Variants in OR1J2 observed in about 807,000 individuals in gnomAD.
OR1J2 encodes olfactory receptor family 1 subfamily J member 2.
For missense variants in OR1J2, 304 were observed against 246.1 expected (o/e 1.24, Z -1.57); for synonymous variants, 142 against 99.7 (o/e 1.42, Z -2.52).
downstream of OR1J2, among the ~76,000 whole-genome samples, chr9:122,514,212 T>C (rs1419487910): frequency 6.6e-6 from 1 of 152,212 alleles, no homozygotes; most frequent in Non-Finnish European, 1.5e-5. Context: ...TGCATGATGC[T>C]GAGGTTTGGG....
the OR1J2 span, among the ~76,000 whole-genome samples, chr9:122,465,770 C>A: frequency 6.6e-6 from 1 of 152,202 alleles, no homozygotes; most frequent in Non-Finnish European, 1.5e-5. Flanking sequence ...ACTTGTTCCT[C>A]GTTGGAGGAG....
the OR1J2 span, among the ~76,000 whole-genome samples, chr9:122,531,942 G>A: frequency 1.1e-4 from 16 of 152,140 alleles, no homozygotes; most frequent in African/African-American, 3.6e-4. Flanking sequence ...TTCCTGACTC[G>A]GGGCATGTTG....
the OR1J2 span, among the ~76,000 whole-genome samples, chr9:122,546,251 A>G: frequency 6.6e-6 from 1 of 152,158 alleles, no homozygotes; most frequent in Non-Finnish European, 1.5e-5. Flanking sequence ...ATTTGTGGCA[A>G]GTGTGCAGGC....
chr9:122,566,062 T>C, the OR1J2 span, among the ~76,000 whole-genome samples: 2 of 152,164 alleles, frequency 1.3e-5, no homozygotes, highest in South Asian at 2.1e-4. Context: ...TGACCTCTTA[T>C]TTATCACTGA....
At chr9:122,454,512 G>C in the OR1J2 span, among the ~76,000 whole-genome samples, 2 of 149,774 alleles carry the variant, frequency 1.3e-5, no homozygotes, top group South Asian at 2.1e-4. Flanking sequence ...AGTGAGACTC[G>C]ATCTAAAAAA....
the OR1J2 span, among the ~76,000 whole-genome samples, chr9:122,481,677 A>T: frequency 6.6e-4 from 100 of 152,326 alleles, no homozygotes; most frequent in African/African-American, 2.3e-3. Flanking sequence ...ATGAAATTTT[A>T]AAAATATACA....
downstream of OR1J2, among the ~76,000 whole-genome samples, chr9:122,512,251 C>G (rs537059764): frequency 2.8e-4 from 42 of 152,304 alleles, no homozygotes; most frequent in East Asian, 7.9e-3. Context: ...ACTCCAGATT[C>G]AGCACTGACT....
chr9:122,563,584 T>G, the OR1J2 span, among the ~76,000 whole-genome samples: 1 of 152,276 alleles, frequency 6.6e-6, no homozygotes. Flanking sequence ...CTGTTGATTG[T>G]TTCCTCTGCT....
the OR1J2 span, among the ~76,000 whole-genome samples, chr9:122,501,974 G>A: frequency 6.6e-6 from 1 of 152,208 alleles, no homozygotes; most frequent in South Asian, 2.1e-4. Flanking sequence ...CCCTGCAGGT[G>A]AGTGAGCTGG....
At chr9:122,543,240 C>T in the OR1J2 span, among the ~76,000 whole-genome samples, 1 of 152,156 alleles carries the variant, frequency 6.6e-6, no homozygotes, top group African/African-American at 2.4e-5. Flanking sequence ...TGTTCTGTCA[C>T]CCAGGCTGGA....
At chr9:122,512,794 C>A (rs144541396), downstream of OR1J2, among the ~76,000 whole-genome samples, 4 of 152,278 alleles carry the variant, frequency 2.6e-5, no homozygotes, top group Non-Finnish European at 4.4e-5. Flanking sequence ...CTTCTTGTTT[C>A]CATTAAGCCT....
the OR1J2 span, chr9:122,526,490 C>T: frequency 3.8e-6 from 6 of 1,578,568 alleles, no homozygotes; most frequent in Non-Finnish European, 4.3e-6. Flanking sequence ...CTGCAATGTC[C>T]TTCTCTTCAG....
chr9:122,529,542 T>C, the OR1J2 span, among the ~76,000 whole-genome samples: 1 of 152,222 alleles, frequency 6.6e-6, no homozygotes, highest in Non-Finnish European at 1.5e-5. Flanking sequence ...CAAAGCAGCC[T>C]AGCTTTTTAC....
downstream of OR1J2, among the ~76,000 whole-genome samples, chr9:122,513,528 T>TC (rs1683198382): frequency 7.1e-6 from 1 of 140,510 alleles, no homozygotes; most frequent in East Asian, 1.9e-4. Flanking sequence ...TCACAAGCAT[T>TC]TTTTTTTTTT....
the OR1J2 span, among the ~76,000 whole-genome samples, chr9:122,497,803 G>A: frequency 6.6e-6 from 1 of 152,084 alleles, no homozygotes; most frequent in African/African-American, 2.4e-5. Context: ...TAGGCATTTA[G>A]CGCTATAAAC....
chr9:122,563,181 G>GTTT, the OR1J2 span, among the ~76,000 whole-genome samples: 128 of 90,254 alleles, frequency 1.4e-3, no homozygotes, highest in African/African-American at 5.0e-3. Flanking sequence ...ACTAGCATTT[G>GTTT]TTATTTTTTT....
At chr9:122,512,634 C>T (rs1828653658), downstream of OR1J2, among the ~76,000 whole-genome samples, 1 of 152,164 alleles carries the variant, frequency 6.6e-6, no homozygotes, top group Non-Finnish European at 1.5e-5. Flanking sequence ...GTAAATTCCT[C>T]TCCCCAGTCT....
chr9:122,482,671 T>C, the OR1J2 span, among the ~76,000 whole-genome samples: 1 of 152,188 alleles, frequency 6.6e-6, no homozygotes, highest in Non-Finnish European at 1.5e-5. Flanking sequence ...TGGAATACTA[T>C]TAAGCCATAA....
At chr9:122,541,542 G>A in the OR1J2 span, among the ~76,000 whole-genome samples, 1 of 152,158 alleles carries the variant, frequency 6.6e-6, no homozygotes, top group East Asian at 1.9e-4. Context: ...ATACAGCTAA[G>A]ATTAGTGAAT....
Sources: allele counts gnomAD v4.1 joint callset (sites outside exome capture counted in the v4.1 genomes callset), GRCh38; gene constraint gnomAD v4.1.1; transcripts MANE v1.5; gene names NCBI Gene and HGNC (gene_info 2026-07-23, HGNC 2026-07-21).